Variants in MAPRE1 observed in about 807,000 individuals in gnomAD.
MAPRE1 encodes microtubule-associated protein RP/EB family member 1.
A neutral mutation model predicts 32.1 loss-of-function variants in MAPRE1; 5 were observed. The observed-to-expected ratio is 0.16, with a 90% CI of 0.08 to 0.33. The LOEUF (loss-of-function observed/expected upper bound fraction) is 0.33, where lower values mean the gene tolerates loss of function less well. MAPRE1 is among the 10% of genes least tolerant of loss of function. MAPRE1 has a pLI of 1.00. For missense variants in MAPRE1, 209 were observed against 327.2 expected, an observed-to-expected ratio of 0.64 and a Z score of 2.79; for synonymous variants, 122 against 118.9, an observed-to-expected ratio of 1.03 and a Z score of -0.17.
intron 2 of MAPRE1, among the ~76,000 whole-genome samples, chr20:32,826,870 G>C (rs1485365854): frequency 2.6e-5 from 4 of 151,926 alleles, no homozygotes; most frequent in Non-Finnish European, 5.9e-5. Flanking sequence ...ACCATCTTCT[G>C]CTCTAGAGAC....
intron 3 of MAPRE1, among the ~76,000 whole-genome samples, chr20:32,836,040 C>T (rs1391204459): frequency 1.3e-5 from 2 of 152,192 alleles, no homozygotes; most frequent in Non-Finnish European, 2.9e-5. Flanking sequence ...CGACTCACTG[C>T]AACCTCTGTC....
intron 4 of MAPRE1, among the ~76,000 whole-genome samples, chr20:32,837,672 G>A (rs1459845840): frequency 1.3e-5 from 2 of 152,096 alleles, no homozygotes; most frequent in African/African-American, 4.8e-5. Context: ...GAGACAATTC[G>A]CATGCCATAT....
At chr20:32,843,015 T>A (rs1983406632) in intron 5 of MAPRE1, 1 of 152,228 alleles carries the variant, frequency 6.6e-6, no homozygotes, top group Admixed American at 6.5e-5. Flanking sequence ...AGGCTAAGTT[T>A]GCAGAGGCTG....
intron 5 of MAPRE1, 111 bp from the exon 6 acceptor site, chr20:32,846,507 C>A: frequency 1.0e-6 from 1 of 974,934 alleles, no homozygotes; most frequent in Non-Finnish European, 1.6e-6. Flanking sequence ...TGGTTTTTGT[C>A]TGTGTTGGGG....
intron 4 of MAPRE1, among the ~76,000 whole-genome samples, chr20:32,837,806 G>A (rs1045330278): frequency 6.6e-6 from 1 of 152,182 alleles, no homozygotes; most frequent in African/African-American, 2.4e-5. Flanking sequence ...CCCTGTGCTG[G>A]GCGCAGTGGC....
chr20:32,847,973 C>T (rs988479689), intron 6 of MAPRE1, among the ~76,000 whole-genome samples: 1 of 151,946 alleles, frequency 6.6e-6, no homozygotes, highest in African/African-American at 2.4e-5. Context: ...AAGCTGGCTG[C>T]ATAGACAGTT....
chr20:32,837,952 G>T lies in MAPRE1; in HGVS notation c.475+1111G>T, dbSNP rs186977986. Among the ~76,000 whole-genome samples, 10 of 152,230 alleles carry T rather than the reference G, an allele frequency of 6.6e-5. No homozygotes were observed. In the East Asian group the frequency reaches 1.9e-3, roughly 29 times the overall value. The stretch of plus-strand genomic sequence containing the variant: ...ACAAAAATTATCTGGGCATGGTGGT[G>T]CATGCCTGTAATCCCAGCTACTCAG... On this transcript the variant is annotated intron_variant, in intron 4 of 6. Transcript: ENST00000375571.
At chr20:32,842,996 A>C (rs568514529) in intron 5 of MAPRE1, 1 of 152,116 alleles carries the variant, frequency 6.6e-6, no homozygotes, top group Non-Finnish European at 1.5e-5. Flanking sequence ...GGTGCTGGGG[A>C]ACATTGAGAG....
intron 2 of MAPRE1, among the ~76,000 whole-genome samples, chr20:32,830,130 C>T (rs1204665428): frequency 1.3e-5 from 2 of 152,132 alleles, no homozygotes; most frequent in Admixed American, 6.5e-5. Flanking sequence ...TCCTTGTCTT[C>T]TCCCTCCAGC....
At chr20:32,835,869 G>T (rs1352159771) in intron 3 of MAPRE1, among the ~76,000 whole-genome samples, 1 of 152,080 alleles carries the variant, frequency 6.6e-6, no homozygotes, top group Non-Finnish European at 1.5e-5. Flanking sequence ...ACCTCCCAAA[G>T]TGTTGGGATT....
intron 3 of MAPRE1, among the ~76,000 whole-genome samples, chr20:32,835,825 C>T (rs1365203901): frequency 1.3e-5 from 2 of 152,058 alleles, no homozygotes; most frequent in Non-Finnish European, 1.5e-5. Flanking sequence ...AGGCTGGTCT[C>T]GAACTCCTGA....
At chr20:32,831,536 GT>G (rs919447319) in intron 2 of MAPRE1, among the ~76,000 whole-genome samples, 16 of 134,250 alleles carry the variant, frequency 1.2e-4, no homozygotes, top group African/African-American at 3.3e-4. Flanking sequence ...CTTTTTTGTT[GT>G]TTTTTTTTTG....
intron 2 of MAPRE1, among the ~76,000 whole-genome samples, chr20:32,832,550 C>A (rs1983064654): frequency 6.7e-6 from 1 of 149,868 alleles, no homozygotes; most frequent in Non-Finnish European, 1.5e-5. Context: ...CACTGCAGTC[C>A]TTGACCTCTT....
chr20:32,846,032 G>A (rs1436864586), intron 5 of MAPRE1, among the ~76,000 whole-genome samples: 1 of 152,172 alleles, frequency 6.6e-6, no homozygotes, highest in Non-Finnish European at 1.5e-5. Context: ...GATGCCCCAT[G>A]GTTAAAGTAC....
Position 32,848,847 on chromosome 20 carries a change from T to TA in MAPRE1, c.*120dup. 2 of 768,440 alleles carry TA rather than the reference T, an allele frequency of 2.6e-6. No homozygotes were observed. Among genetic ancestry groups the TA allele is most frequent in the Non-Finnish European group, 4.0e-6 (2 of 498,478 alleles). 47.6% of individuals were successfully genotyped at this position (768,440 alleles called of 1,614,324 possible). ...CTGGTTTCTTTTCATAAGCAAAAAGTACCTCTTCTTAAAGTGCACTTTGCA... is the reference window on the plus strand; with the variant it reads ...CTGGTTTCTTTTCATAAGCAAAAAGTAACCTCTTCTTAAAGTGCACTTTGCA... On this transcript the variant is annotated 3_prime_UTR_variant, in exon 7 of 7. Coordinates refer to ENST00000375571, the MANE Select transcript of MAPRE1 (RefSeq NM_012325.3).
At chr20:32,835,690 C>T (rs943871791) in intron 3 of MAPRE1, among the ~76,000 whole-genome samples, 1 of 151,580 alleles carries the variant, frequency 6.6e-6, no homozygotes, top group African/African-American at 2.4e-5. Flanking sequence ...ACTGCAACCT[C>T]CACCTCCCGG....
Position 32,836,702 on chromosome 20 carries a change from G to T in MAPRE1, c.336G>T (p.Lys112Asn), listed in dbSNP as rs375430356. ...QDNFEFVQWF[K>N]KFFDANYDGK... is the part of the protein sequence containing the mutation. The stretch of plus-strand genomic sequence containing the variant: ...ATTTTGAATTCGTTCAGTGGTTCAA[G>T]AAGTTTTTCGATGCAAACTATGATG... The change falls in exon 4 of 7, where the codon AAG becomes AAT. Residue 112 changes from lysine (K) to asparagine (N), a missense_variant. Lys to Asn is a moderately conservative substitution (Grantham distance 94). Coordinates refer to ENST00000375571, the MANE Select transcript of MAPRE1 (RefSeq NM_012325.3). The T allele has an allele frequency of 6.2e-7, 1 of 1,613,618 alleles. No individual in the cohort carries two copies. Among genetic ancestry groups the T allele is most frequent in the African/African-American group, 1.3e-5 (1 of 74,898 alleles).
rs749001292 is a variant in MAPRE1, at chr20:32,833,872, C to CG, written c.267+11dup. The CG allele has an allele frequency of 7.5e-6, 12 of 1,609,966 alleles. No individual in the cohort carries two copies. The African/African-American group carries it at 1.5e-4, about 20-fold the overall frequency. On this transcript the variant is annotated intron_variant, in intron 3 of 6. Transcript: ENST00000375571. ...AATGGGTGTTGACAAAGTAAGTAAA[C>CG]GTTATCTTTTATTGTGGTTAATGTT...
rs34259434 is a variant in MAPRE1, at chr20:32,833,847, A to G, written c.252A>G (p.Arg84=). The change falls in exon 3 of 7, where the codon AGA becomes AGG. Residue 84 remains arginine (R), a synonymous_variant. Transcript: ENST00000375571. The stretch of plus-strand genomic sequence containing the variant: ...AAATACTACAAGCAGGTTTTAAGAG[A>G]ATGGGTGTTGACAAAGTAAGTAAAC... ...NFKILQAGFK[R]MGVDKIIPVD... 1.2e-4 allele frequency: 190 copies of G among 1,613,328 alleles called. No individual in the cohort carries two copies. In the African/African-American group the frequency reaches 2.2e-3, roughly 19 times the overall value.
Sources: gnomAD v4.1 joint callset for allele counts (sites outside exome capture counted in the v4.1 genomes callset) on GRCh38, gnomAD v4.1.1 for gene constraint, MANE v1.5 for transcripts, NCBI Gene and HGNC (gene_info 2026-07-23, HGNC 2026-07-21) for gene names.